ZFHX3: variants seen among roughly 807,000 people sequenced by gnomAD.
ZFHX3 encodes zinc finger homeobox protein 3.
In ZFHX3, 42 loss-of-function variants were observed where a neutral mutation model predicts 279.1. The observed-to-expected ratio is 0.15, with a 90% CI of 0.12 to 0.19. ZFHX3 has a LOEUF of 0.19. Ranked by LOEUF, ZFHX3 falls within the 10% of genes least tolerant of loss-of-function variation. ZFHX3 has a pLI of 1.00. For synonymous variants in ZFHX3, 2,293 were observed against 1,957.8 expected (o/e 1.17, Z -4.52); for missense variants, 4,981 against 4,754.0 (o/e 1.05, Z -1.40).
intron 3 of ZFHX3, among the ~76,000 whole-genome samples, chr16:73,408,907 T>A (rs888942636): frequency 6.6e-6 from 1 of 152,036 alleles, no homozygotes; most frequent in African/African-American, 2.4e-5. Flanking sequence ...TCAAACTTTA[T>A]AGACATGAAC....
chr16:73,857,428 C>A (rs1267182029), intron 1 of ZFHX3, among the ~76,000 whole-genome samples: 1 of 152,160 alleles, frequency 6.6e-6, no homozygotes, highest in Non-Finnish European at 1.5e-5. Context: ...AGGGACACAT[C>A]CCCTCTCTTT....
intron 1 of ZFHX3, among the ~76,000 whole-genome samples, chr16:73,037,939 C>T (rs1471895916): frequency 6.6e-6 from 1 of 152,196 alleles, no homozygotes; most frequent in Non-Finnish European, 1.5e-5. Flanking sequence ...TGGCCCCAGG[C>T]ATACGGTTAT....
chr16:73,508,001 T>A (rs146576626), intron 2 of ZFHX3, among the ~76,000 whole-genome samples: 1 of 152,350 alleles, frequency 6.6e-6, no homozygotes, highest in East Asian at 1.9e-4. Flanking sequence ...GTGATCCTCT[T>A]GAAAATGCTT....
Position 73,416,034 on chromosome 16 carries a change from C to T in ZFHX3, c.-1291+39969G>A, listed in dbSNP as rs142602520. On this transcript the variant is annotated intron_variant, in intron 3 of 17. Transcript: ENST00000641206. ...ACTCGGGAGGCTGGGGCAGGAGAAT[C>T]GCTTGAACCCGGGAGGTGGAGGTTG... Among the ~76,000 whole-genome samples, 1,498 of 150,376 alleles carry T rather than the reference C, an allele frequency of 1.0e-2. 25 individuals are homozygous for T. The highest frequency in any genetic ancestry group is 0.034 in the African/African-American group (1,388 of 40,828).
At position 73,703,042 on chromosome 16, in the gene ZFHX3, A is replaced by G. The variant is rs182373083; in HGVS notation, c.-1607-22802T>C. 3.2e-3 allele frequency among the ~76,000 whole-genome samples: 484 copies of G among 152,288 alleles called. 2 individuals are homozygous for G. The highest frequency in any genetic ancestry group is 0.011 in the African/African-American group (456 of 41,556). Reference sequence around the variant, plus strand: ...AGAAAGAGCTGAGAGCAAACAGAAAACAAAAAAGTGATTCAAATGGAATGA... The same window carrying G: ...AGAAAGAGCTGAGAGCAAACAGAAAGCAAAAAAGTGATTCAAATGGAATGA... On this transcript the variant is annotated intron_variant, in intron 1 of 17. Transcript: ENST00000641206.
At chr16:73,354,522 C>A (rs77680098) in intron 3 of ZFHX3, among the ~76,000 whole-genome samples, 2,243 of 152,304 alleles carry the variant, frequency 0.015, 68 homozygotes, top group African/African-American at 0.05. Flanking sequence ...CTCCCTTCCA[C>A]GCCCTGTTAC....
intron 1 of ZFHX3, chr16:73,809,731 A>T (rs1243669447): frequency 2.0e-5 from 3 of 152,176 alleles, no homozygotes; most frequent in African/African-American, 7.2e-5. Context: ...GGGGATTTTT[A>T]AGGCAGTTTC....
At chr16:73,389,580 C>G (rs1477402) in intron 3 of ZFHX3, among the ~76,000 whole-genome samples, 93,067 of 152,120 alleles carry the variant, frequency 0.61, 29,131 homozygotes, top group Non-Finnish European at 0.68. Flanking sequence ...CTGTGGACGT[C>G]TCATCTCTCT....
intron 2 of ZFHX3, among the ~76,000 whole-genome samples, chr16:73,494,811 G>T (rs1418269109): frequency 2.6e-5 from 4 of 151,674 alleles, no homozygotes; most frequent in Non-Finnish European, 5.9e-5. Context: ...CAGGTGATCT[G>T]CCCACCTTGG....
At chr16:73,348,931 T>C (rs2016171397) in intron 3 of ZFHX3, among the ~76,000 whole-genome samples, 2 of 152,212 alleles carry the variant, frequency 1.3e-5, no homozygotes, top group Non-Finnish European at 2.9e-5. Flanking sequence ...GGAAAATCAA[T>C]GACTTCATTA....
intron 1 of ZFHX3, among the ~76,000 whole-genome samples, chr16:73,740,255 C>T (rs1270515920): frequency 6.6e-6 from 1 of 152,114 alleles, no homozygotes; most frequent in Non-Finnish European, 1.5e-5. Flanking sequence ...TCTACACACT[C>T]CTTGGGCACT....
At chr16:73,706,849 G>A (rs1029632188) in intron 1 of ZFHX3, among the ~76,000 whole-genome samples, 9 of 152,122 alleles carry the variant, frequency 5.9e-5, no homozygotes, top group Non-Finnish European at 1.3e-4. Flanking sequence ...TTGTCACACA[G>A]CCTCCTCTGC....
chr16:73,040,668 G>A (rs567915537), intron 1 of ZFHX3, among the ~76,000 whole-genome samples: 5 of 152,372 alleles, frequency 3.3e-5, no homozygotes, highest in African/African-American at 1.2e-4. Context: ...TGGGGAAGAA[G>A]AGAATTGCTG....
chr16:73,775,953 A>G (rs1214447678), intron 1 of ZFHX3, among the ~76,000 whole-genome samples: 1 of 152,174 alleles, frequency 6.6e-6, no homozygotes, highest in African/African-American at 2.4e-5. Context: ...TGGAAAATAT[A>G]CTAGGCTATA....
At chr16:73,327,218 T>C (rs756070539) in intron 3 of ZFHX3, among the ~76,000 whole-genome samples, 29 of 152,220 alleles carry the variant, frequency 1.9e-4, no homozygotes, top group Non-Finnish European at 3.7e-4. Flanking sequence ...ATTCCTCTTA[T>C]GCACGTAGAA....
intron 8 of ZFHX3, among the ~76,000 whole-genome samples, chr16:73,091,965 C>T (rs930977013): frequency 2.6e-5 from 4 of 152,222 alleles, no homozygotes; most frequent in Middle Eastern, 3.4e-3. Context: ...TTGGTTCTGC[C>T]GATATATTAG....
chr16:73,165,446 G>C (rs1211395624), intron 5 of ZFHX3, among the ~76,000 whole-genome samples: 1 of 152,174 alleles, frequency 6.6e-6, no homozygotes, highest in East Asian at 1.9e-4. Flanking sequence ...CCTGGGCCCC[G>C]CCTGTGGCAA....
In ZFHX3 at chr16:73,755,346, G is replaced by A. The variant is rs1290095499; in HGVS notation, c.-1607-75106C>T. On this transcript the variant is annotated intron_variant, in intron 1 of 17. Transcript: ENST00000641206. ...GGAGTAGAAAGAAGAAAAAAAAGAT[G>A]GGAAAATCCTGGAGTTTAAACTCCC... is the stretch of plus-strand genomic sequence containing the variant. Among the ~76,000 whole-genome samples, 6 of 152,200 alleles carry A rather than the reference G, an allele frequency of 3.9e-5. No individual in the cohort carries two copies. In the East Asian group the frequency reaches 1.2e-3, roughly 29 times the overall value.
intron 2 of ZFHX3, among the ~76,000 whole-genome samples, chr16:73,539,622 C>T (rs1321057092): frequency 6.6e-6 from 1 of 151,772 alleles, no homozygotes; most frequent in Non-Finnish European, 1.5e-5. Context: ...TAGGTTTCCT[C>T]GATAACATGG....
Sources: allele counts gnomAD v4.1 joint callset (sites outside exome capture counted in the v4.1 genomes callset), GRCh38; gene constraint gnomAD v4.1.1; transcripts MANE v1.5; gene names NCBI Gene and HGNC (gene_info 2026-07-23, HGNC 2026-07-21).